DRD2: variants seen among roughly 807,000 people sequenced by gnomAD.
DRD2 encodes D(2) dopamine receptor.
A neutral mutation model predicts 38.0 loss-of-function variants in DRD2; 8 were observed. That is an observed-to-expected ratio of 0.21 (90% CI 0.12 to 0.38). The LOEUF is 0.38. DRD2 is among the 10% of genes least tolerant of loss of function. The probability of loss-of-function intolerance (pLI) is 1.00; values close to 1 mark genes in which losing one functional copy is unlikely to be tolerated. For synonymous variants in DRD2, 230 were observed against 238.6 expected, an observed-to-expected ratio of 0.96 and a Z score of 0.33; for missense variants, 403 against 607.7, an observed-to-expected ratio of 0.66 and a Z score of 3.54.
chr11:113,457,341 CAAG>C (rs1451118592), intron 1 of DRD2, among the ~76,000 whole-genome samples: 1 of 152,162 alleles, frequency 6.6e-6, no homozygotes, highest in Non-Finnish European at 1.5e-5. Flanking sequence ...AAGTAAATAA[CAAG>C]AAGGGGAGAT....
At chr11:113,465,345 T>C (rs1331699518) in intron 1 of DRD2, among the ~76,000 whole-genome samples, 1 of 152,262 alleles carries the variant, frequency 6.6e-6, no homozygotes, top group Non-Finnish European at 1.5e-5. Context: ...TCTGCCTGTC[T>C]TGGCCTCCCA....
intron 7 of DRD2, 71 bp from the exon 8 acceptor site, chr11:113,410,991 T>G: frequency 6.5e-7 from 1 of 1,529,742 alleles, no homozygotes; most frequent in African/African-American, 1.4e-5. Flanking sequence ...CCACACCCAG[T>G]GCGCCCTGGC....
At chr11:113,425,725 C>T (rs879638790) in intron 1 of DRD2, among the ~76,000 whole-genome samples, 3 of 151,574 alleles carry the variant, frequency 2.0e-5, no homozygotes, top group Admixed American at 2.0e-4. Flanking sequence ...TCTCATCCCA[C>T]AGAAGGGAAA....
chr11:113,458,977 T>A (rs956857294), intron 1 of DRD2, among the ~76,000 whole-genome samples: 2 of 152,120 alleles, frequency 1.3e-5, no homozygotes, highest in Non-Finnish European at 2.9e-5. Context: ...GTGAAGAAGA[T>A]AAACCTAGCA....
Position 113,411,037 on chromosome 11 carries a change from C to T in DRD2, c.1139-117G>A, listed in dbSNP as rs1245151658. The T allele has an allele frequency of 2.6e-6, 3 of 1,156,762 alleles. No homozygotes were observed. The Admixed American group carries it at 6.7e-5, about 26-fold the overall frequency. 71.7% of individuals were successfully genotyped at this position (1,156,762 alleles called of 1,614,324 possible). On this transcript the variant is annotated intron_variant, in intron 7 of 7. Coordinates refer to ENST00000362072, the MANE Select transcript of DRD2 (RefSeq NM_000795.4). ...AGACGGTGGGCTGTAGCCACAGAAG[C>T]ACTGTAGGAGGAGTCCAGGTCTTGG...
In DRD2 at chr11:113,424,359, C is replaced by T. The variant is rs748252813; in HGVS notation, c.285+8G>A. 8 of 1,613,820 alleles carry T rather than the reference C, an allele frequency of 5.0e-6. No homozygotes were observed. The highest frequency in any genetic ancestry group is 6.8e-6 in the Non-Finnish European group (8 of 1,179,890). ...GAAAGTGCTGGAGCAAGCAGGGGGC[C>T]CACCTACCTCCAGGTAGACAACCCA... On this transcript the variant is annotated splice_region_variant and intron_variant, in intron 2 of 7. Coordinates refer to ENST00000362072, the MANE Select transcript of DRD2 (RefSeq NM_000795.4).
chr11:113,428,408 C>A (rs917213423), intron 1 of DRD2, among the ~76,000 whole-genome samples: 1 of 152,170 alleles, frequency 6.6e-6, no homozygotes, highest in Non-Finnish European at 1.5e-5. Flanking sequence ...AGCAGCGAGG[C>A]CTTGAAAGAG....
rs1355457918 is a variant in DRD2, at chr11:113,465,410, TGTTGTTTG to T, written c.-32+9658_-32+9665del. ...ATGCCTGGCCAGTTTTTGTTGTTGT[TGTTGTTTG>T]TTTGTTTGTTTGTTTGTTTGTTTGT... is the stretch of plus-strand genomic sequence containing the variant. On this transcript the variant is annotated intron_variant, in intron 1 of 7. Coordinates refer to ENST00000362072, the MANE Select transcript of DRD2 (RefSeq NM_000795.4). 2.0e-4 allele frequency among the ~76,000 whole-genome samples: 17 copies of T among 85,614 alleles called. No homozygotes were observed. The East Asian group carries it at 3.6e-3, about 18-fold the overall frequency. The allele number at this position is 85,614 out of a possible 152,430, so 56.2% of individuals were successfully genotyped here. A position where few individuals can be genotyped will look rare whatever the true frequency, so the allele number is the denominator to read the frequency against.
chr11:113,411,226 G>A (rs1319639737), intron 7 of DRD2, among the ~76,000 whole-genome samples: 3 of 151,866 alleles, frequency 2.0e-5, no homozygotes, highest in Non-Finnish European at 4.4e-5. Context: ...AGTAGAAATG[G>A]AAATATCTAC....
At position 113,410,715 on chromosome 11, in the gene DRD2, C is replaced by T. The variant is rs747084511; in HGVS notation, c.*12G>A. On this transcript the variant is annotated 3_prime_UTR_variant, in exon 8 of 8. Transcript: ENST00000362072. Reference sequence around the variant, plus strand: ...GGTGGGAAGCAGGCTGCTGTGCGGGCAGGCAGCAGAGTCAGCAGTGGAGGA... The same window carrying T: ...GGTGGGAAGCAGGCTGCTGTGCGGGTAGGCAGCAGAGTCAGCAGTGGAGGA... 1.2e-6 allele frequency: 2 copies of T among 1,614,048 alleles called. No homozygotes were observed. Among genetic ancestry groups the T allele is most frequent in the Middle Eastern group, 1.7e-4 (1 of 5,978 alleles).
chr11:113,467,624 C>T (rs1301911826), intron 1 of DRD2, among the ~76,000 whole-genome samples: 1 of 152,190 alleles, frequency 6.6e-6, no homozygotes, highest in East Asian at 1.9e-4. Flanking sequence ...TAAAAACTGG[C>T]CTGTGCCAGA....
At chr11:113,455,265 A>G (rs996548328) in intron 1 of DRD2, among the ~76,000 whole-genome samples, 5 of 152,200 alleles carry the variant, frequency 3.3e-5, no homozygotes, top group Non-Finnish European at 5.9e-5. Flanking sequence ...TGGGAGGCTG[A>G]GGCAGAGAAT....
intron 1 of DRD2, among the ~76,000 whole-genome samples, chr11:113,440,976 G>A (rs1488554844): frequency 5.9e-5 from 9 of 152,200 alleles, no homozygotes; most frequent in Admixed American, 2.0e-4. Context: ...TCAGCCTTTT[G>A]ATGCACTAAG....
At chr11:113,453,938 G>C (rs539160654) in intron 1 of DRD2, among the ~76,000 whole-genome samples, 1 of 152,206 alleles carries the variant, frequency 6.6e-6, no homozygotes, top group Admixed American at 6.5e-5. Context: ...TTGATGGGGG[G>C]CTGGGGGGAG....
chr11:113,443,172 C>T (rs114693134), intron 1 of DRD2, among the ~76,000 whole-genome samples: 75 of 152,244 alleles, frequency 4.9e-4, no homozygotes, highest in African/African-American at 1.7e-3. Flanking sequence ...GTGGTCTCAG[C>T]CTCTTGCAAA....
chr11:113,436,194 T>A (rs1951034403), intron 1 of DRD2, among the ~76,000 whole-genome samples: 1 of 152,178 alleles, frequency 6.6e-6, no homozygotes, highest in Non-Finnish European at 1.5e-5. Flanking sequence ...AATACTGTTT[T>A]GGTGTCAAGA....
At chr11:113,457,006 G>A (rs903636582) in intron 1 of DRD2, among the ~76,000 whole-genome samples, 2 of 152,114 alleles carry the variant, frequency 1.3e-5, no homozygotes, top group East Asian at 1.9e-4. Flanking sequence ...TGGGCTCACC[G>A]TGGGCCTCCA....
intron 1 of DRD2, among the ~76,000 whole-genome samples, chr11:113,451,463 T>C (rs1033862942): frequency 6.6e-6 from 1 of 152,174 alleles, no homozygotes; most frequent in Non-Finnish European, 1.5e-5. Flanking sequence ...TGTATATATA[T>C]AATTTTTCCT....
chr11:113,466,962 T>C (rs1951375726), intron 1 of DRD2, among the ~76,000 whole-genome samples: 1 of 152,136 alleles, frequency 6.6e-6, no homozygotes, highest in Non-Finnish European at 1.5e-5. Flanking sequence ...TTAGTCACAA[T>C]GTGACTCTAG....
Sources: gnomAD v4.1 joint callset for allele counts (sites outside exome capture counted in the v4.1 genomes callset) on GRCh38, gnomAD v4.1.1 for gene constraint, MANE v1.5 for transcripts, NCBI Gene and HGNC (gene_info 2026-07-23, HGNC 2026-07-21) for gene names.